Variants in MICAL2 observed in about 807,000 individuals in gnomAD.
MICAL2 encodes [F-actin]-monooxygenase MICAL2.
MICAL2 carries 77 observed loss-of-function variants against 127.3 expected under a neutral mutation model. That is an observed-to-expected ratio of 0.60 (90% confidence interval 0.50 to 0.73). The LOEUF is 0.73. MICAL2 is among the 30% of genes least tolerant of loss of function. MICAL2 has a pLI of 0.00. For synonymous variants in MICAL2, 570 were observed against 551.1 expected (o/e 1.03, Z -0.48); for missense variants, 1,351 against 1,434.4 (o/e 0.94, Z 0.94).
At chr11:12,220,581 C>G in intron 9 of MICAL2, 123 bp downstream of exon 9, 8 of 1,350,044 alleles carry the variant, frequency 5.9e-6, no homozygotes, top group Non-Finnish European at 8.0e-6. Flanking sequence ...GTTGGCAGGA[C>G]TCTGCCAAGC....
At chr11:12,298,718 C>G (rs1864014073) in intron 29 of MICAL2, among the ~76,000 whole-genome samples, 1 of 152,048 alleles carries the variant, frequency 6.6e-6, no homozygotes, top group African/African-American at 2.4e-5. Context: ...TGTTGAATTT[C>G]ATCAAATGTC....
At chr11:12,325,116 T>C (rs562938889) in intron 31 of MICAL2, among the ~76,000 whole-genome samples, 3 of 152,070 alleles carry the variant, frequency 2.0e-5, no homozygotes, top group Non-Finnish European at 4.4e-5. Flanking sequence ...TGTTTTTTGG[T>C]TTTTTATTTT....
At chr11:12,189,763 AG>A (rs1858835115) in intron 3 of MICAL2, among the ~76,000 whole-genome samples, 1 of 152,208 alleles carries the variant, frequency 6.6e-6, no homozygotes, top group South Asian at 2.1e-4. Flanking sequence ...CTGCAAGCCC[AG>A]GCCTGCCACC....
chr11:12,234,759 C>T (rs1858790550), intron 15 of MICAL2, among the ~76,000 whole-genome samples: 1 of 152,084 alleles, frequency 6.6e-6, no homozygotes, highest in African/African-American at 2.4e-5. Context: ...AGATGCTTTC[C>T]GTTGGAGGGA....
chr11:12,246,437 A>G (rs992503609), intron 21 of MICAL2, among the ~76,000 whole-genome samples: 1 of 152,200 alleles, frequency 6.6e-6, no homozygotes, highest in African/African-American at 2.4e-5. Flanking sequence ...CAAGAAGAAG[A>G]AGGCACAGCC....
intron 2 of MICAL2, among the ~76,000 whole-genome samples, chr11:12,286,497 G>A (rs1007121556): frequency 6.6e-6 from 1 of 152,198 alleles, no homozygotes; most frequent in Non-Finnish European, 1.5e-5. Context: ...GCATGTAGAT[G>A]CTCACTGATG....
Position 12,204,323 on chromosome 11 carries a change from T to A in MICAL2, c.338T>A (p.Val113Asp). Residue 113 changes from valine (V) to aspartate (D), a missense_variant, in exon 4 of 28, where the codon GTC (valine) becomes GAC (aspartate). Physicochemically the swap from Val to Asp is radical, Grantham distance 152 (BLOSUM62 -3). Around this residue, in one of 2 missense-constraint regions of MICAL2, gnomAD observed 599 missense variants for 714.9 expected, o/e 0.84. Transcript: ENST00000683283. Reference protein sequence around the residue: ...IELAYLGAKVVVVEKRDSFSR... With the variant: ...IELAYLGAKVDVVEKRDSFSR... ...CTTGCCTACCTGGGAGCCAAAGTGG[T>A]CGTGGTGGAGAAGAGGGACTCCTTC... The A allele has an allele frequency of 6.2e-7, 1 of 1,614,090 alleles. No individual in the cohort carries two copies.
chr11:12,155,427 A>C (rs1279491637), intron 2 of MICAL2, among the ~76,000 whole-genome samples: 1 of 152,134 alleles, frequency 6.6e-6, no homozygotes, highest in African/African-American at 2.4e-5. Context: ...TATATACACA[A>C]ACATGCATAT....
At chr11:12,133,532 G>A (rs1447742449) in intron 1 of MICAL2, among the ~76,000 whole-genome samples, 1 of 152,004 alleles carries the variant, frequency 6.6e-6, no homozygotes, top group African/African-American at 2.4e-5. Context: ...AGTGAGACAA[G>A]CAACGATAAT....
At chr11:12,195,130 A>G (rs1322931052) in intron 3 of MICAL2, among the ~76,000 whole-genome samples, 2 of 152,034 alleles carry the variant, frequency 1.3e-5, no homozygotes, top group Admixed American at 6.6e-5. Flanking sequence ...GGTGGTGTGT[A>G]TCTATAGTCC....
At chr11:12,178,826 G>A (rs55808186) in intron 3 of MICAL2, among the ~76,000 whole-genome samples, 1 of 151,884 alleles carries the variant, frequency 6.6e-6, no homozygotes, top group South Asian at 2.1e-4. Flanking sequence ...GGCTCAAGCA[G>A]TTCTACTGCC....
intron 1 of MICAL2, among the ~76,000 whole-genome samples, chr11:12,122,216 A>G (rs1394458588): frequency 6.6e-6 from 1 of 152,148 alleles, no homozygotes; most frequent in Non-Finnish European, 1.5e-5. Flanking sequence ...GGAGGTTGTG[A>G]GGATTAAATG....
At chr11:12,170,937 C>T (rs535220173) in intron 3 of MICAL2, among the ~76,000 whole-genome samples, 145 of 152,340 alleles carry the variant, frequency 9.5e-4, no homozygotes, top group African/African-American at 3.4e-3. Context: ...GATAGAGGAG[C>T]GAACTCTGTG....
chr11:12,243,860 C>T, intron 20 of MICAL2, 127 bp from the exon 21 acceptor site: 5 of 1,148,256 alleles, frequency 4.4e-6, no homozygotes, highest in Non-Finnish European at 6.4e-6. Context: ...TCTGTGTTGT[C>T]CTGAGACATG....
chr11:12,257,644 C>T (rs1318109936), intron 24 of MICAL2, among the ~76,000 whole-genome samples: 1 of 152,140 alleles, frequency 6.6e-6, no homozygotes, highest in Non-Finnish European at 1.5e-5. Context: ...CTCTTCGTCC[C>T]CCAGTTTCCT....
At chr11:12,245,696 G>GCCT (rs1315095520) in intron 21 of MICAL2, among the ~76,000 whole-genome samples, 1 of 152,220 alleles carries the variant, frequency 6.6e-6, no homozygotes. Flanking sequence ...ACCTGTCTGG[G>GCCT]CCTCCTCCTC....
intron 1 of MICAL2, among the ~76,000 whole-genome samples, chr11:12,280,688 C>A (rs1279154336): frequency 1.3e-5 from 2 of 152,236 alleles, no homozygotes; most frequent in Non-Finnish European, 2.9e-5. Flanking sequence ...TTAATGACCT[C>A]CTTAAAGGCC....
chr11:12,183,318 G>T (rs1475133259), intron 3 of MICAL2, among the ~76,000 whole-genome samples: 1 of 152,154 alleles, frequency 6.6e-6, no homozygotes, highest in Non-Finnish European at 1.5e-5. Flanking sequence ...TTCAGAGTGG[G>T]TGAACACGTT....
intron 2 of MICAL2, among the ~76,000 whole-genome samples, chr11:12,284,127 T>C (rs920465458): frequency 6.6e-6 from 1 of 152,198 alleles, no homozygotes; most frequent in Non-Finnish European, 1.5e-5. Context: ...AATGAATCGA[T>C]CTAGTGCATT....
Sources: gnomAD v4.1 joint callset for allele counts (sites outside exome capture counted in the v4.1 genomes callset) on GRCh38, gnomAD v4.1.1 for gene constraint, gnomAD v4.1.1 regional missense constraint, MANE v1.5 for transcripts, NCBI Gene and HGNC (gene_info 2026-07-23, HGNC 2026-07-21) for gene names.